The following EHBP1 variants were observed in gnomAD, a reference collection of about 807,000 sequenced individuals.
EHBP1 encodes EH domain binding protein 1, also known as EH domain-binding protein 1.
Under a neutral mutation model 144.0 loss-of-function variants are expected in EHBP1, and 55 were observed. The ratio of observed to expected loss-of-function variants is 0.38; its 90% confidence interval spans 0.31 to 0.48. The LOEUF (loss-of-function observed/expected upper bound fraction) is 0.48, where lower values mean the gene tolerates loss of function less well. Among genes scored for constraint, EHBP1 ranks in the 20% least tolerant of loss-of-function variants. EHBP1 has a pLI of 0.98. For synonymous variants in EHBP1, 469 were observed against 472.7 expected, an observed-to-expected ratio of 0.99 and a Z score of 0.10; for missense variants, 1,200 against 1,364.2, an observed-to-expected ratio of 0.88 and a Z score of 1.90.
Position 62,996,685 on chromosome 2 carries a change from G to T in EHBP1, c.3022G>T (p.Ala1008Ser). Residue 1008 changes from alanine to serine, a missense_variant, in exon 19 of 23, where the codon GCA becomes TCA. By Grantham distance (99) the Ala-to-Ser change is moderately conservative. This residue lies in a region of EHBP1 where 149 missense variants were observed against 217.0 expected (regional missense o/e 0.69). Transcript: ENST00000431489. ...CAGTCAGTATGTAGTAGGAGAATTGGCAGCACTAGAGAATGAGCAAAAGCA... is the reference window on the plus strand; with the variant it reads ...CAGTCAGTATGTAGTAGGAGAATTGTCAGCACTAGAGAATGAGCAAAAGCA... The part of the protein sequence containing the change: ...DTSQYVVGEL[A>S]ALENEQKQID... 1 of 1,613,346 alleles carries T rather than the reference G, an allele frequency of 6.2e-7. No individual in the cohort carries two copies. Among genetic ancestry groups the T allele is most frequent in the Non-Finnish European group, 8.5e-7 (1 of 1,179,624 alleles).
chr2:62,781,225 T>A (rs1048320371), intron 5 of EHBP1, among the ~76,000 whole-genome samples: 1 of 152,166 alleles, frequency 6.6e-6, no homozygotes, highest in East Asian at 1.9e-4. Flanking sequence ...GGCTTTCTAT[T>A]GAAAGTGATA....
At chr2:62,720,838 A>C (rs2036156713) in intron 2 of EHBP1, among the ~76,000 whole-genome samples, 1 of 151,952 alleles carries the variant, frequency 6.6e-6, no homozygotes, top group Non-Finnish European at 1.5e-5. Context: ...TTTAAAAAAA[A>C]CTCCCTGCAT....
intron 19 of EHBP1, among the ~76,000 whole-genome samples, chr2:63,018,716 C>T (rs2060584054): frequency 6.6e-6 from 1 of 152,154 alleles, no homozygotes; most frequent in Non-Finnish European, 1.5e-5. Context: ...TTTTCCACTA[C>T]TAGAAATTTT....
At chr2:63,010,115 A>G (rs2060208302) in intron 19 of EHBP1, among the ~76,000 whole-genome samples, 1 of 151,436 alleles carries the variant, frequency 6.6e-6, no homozygotes, top group Non-Finnish European at 1.5e-5. Context: ...TTTGAATACA[A>G]ATTCCTAATA....
rs761996423 is a variant in EHBP1 at position 62,948,843 on chromosome 2, A to G, written c.1997A>G (p.Tyr666Cys). 6 of 1,614,126 alleles carry G rather than the reference A, an allele frequency of 3.7e-6. No individual in the cohort carries two copies. The highest frequency in any genetic ancestry group is 3.3e-5 in the South Asian group (3 of 91,082). The change falls in exon 13 of 23, where the codon TAT (tyrosine) becomes TGT (cysteine). Residue 666 changes from tyrosine to cysteine, a missense_variant. By Grantham distance (194) the Tyr-to-Cys change is radical. Around this residue, in one of 6 missense-constraint regions of EHBP1, gnomAD observed 543 missense variants for 513.1 expected, o/e 1.06. Coordinates refer to ENST00000431489, the MANE Select transcript of EHBP1 (RefSeq NM_001142616.3). Reference sequence around the variant, plus strand: ...GAGACTTTAGAATTGAGTGACTTATATGTTAGTGATAAGAAGAAGGATATG... The same window carrying G: ...GAGACTTTAGAATTGAGTGACTTATGTGTTAGTGATAAGAAGAAGGATATG... Reference protein sequence around the residue: ...KAETLELSDLYVSDKKKDMSP... With the variant: ...KAETLELSDLCVSDKKKDMSP...
chr2:62,816,436 A>G (rs1254022062), intron 5 of EHBP1, among the ~76,000 whole-genome samples: 3 of 152,218 alleles, frequency 2.0e-5, no homozygotes, highest in Non-Finnish European at 2.9e-5. Context: ...ACCCACATAA[A>G]CAGAAGCTCT....
At chr2:62,994,937 C>A (rs2059570438) in intron 18 of EHBP1, among the ~76,000 whole-genome samples, 1 of 152,086 alleles carries the variant, frequency 6.6e-6, no homozygotes, top group African/African-American at 2.4e-5. Context: ...TATGAAATTT[C>A]TTTCTATTTT....
chr2:63,041,660 T>G (rs1054382218), intron 21 of EHBP1, among the ~76,000 whole-genome samples: 1 of 152,194 alleles, frequency 6.6e-6, no homozygotes, highest in East Asian at 1.9e-4. Flanking sequence ...ACAGCCACAG[T>G]CTTCCATAGA....
chr2:62,942,825 C>A lies in EHBP1; in HGVS notation c.1293C>A (p.Thr431=), dbSNP rs747084852. ...VTKNYRGVKI[T]NFTTSWRNGL... ...AGAACTACCGAGGAGTAAAAATCAC[C>A]AATTTTACTACATCGTGGAGAAATG... Residue 431 remains threonine, a synonymous_variant, in exon 11 of 23, where the codon ACC becomes ACA. Transcript: ENST00000431489. 6.2e-7 allele frequency: 1 copy of A among 1,613,226 alleles called. No individual in the cohort carries two copies. Among genetic ancestry groups the A allele is most frequent in the Non-Finnish European group, 8.5e-7 (1 of 1,179,320 alleles).
intron 7 of EHBP1, among the ~76,000 whole-genome samples, chr2:62,838,380 A>G (rs1341491758): frequency 6.6e-6 from 1 of 151,070 alleles, no homozygotes; most frequent in Non-Finnish European, 1.5e-5. Flanking sequence ...TGCCCACAAG[A>G]GAAAGCAGGA....
chr2:62,776,618 A>T (rs542157248), intron 5 of EHBP1, among the ~76,000 whole-genome samples: 4 of 152,324 alleles, frequency 2.6e-5, no homozygotes, highest in African/African-American at 9.6e-5. Flanking sequence ...GCAACTTGTA[A>T]CATCTCACTT....
chr2:63,014,571 G>A lies in EHBP1; in HGVS notation c.3103+17805G>A, dbSNP rs571508570. On this transcript the variant is annotated intron_variant, in intron 19 of 22. Coordinates refer to ENST00000431489, the MANE Select transcript of EHBP1 (RefSeq NM_001142616.3). ...TTTTTCACAATCTCTCTTTTCTTTA[G>A]CAATCACTGTACACTTACCAGGAGA... Among the ~76,000 whole-genome samples, 4 of 152,100 alleles carry A rather than the reference G, an allele frequency of 2.6e-5. No individual in the cohort carries two copies. The South Asian group carries it at 8.3e-4, about 32-fold the overall frequency.
chr2:62,846,059 G>A (rs11682530), intron 7 of EHBP1, among the ~76,000 whole-genome samples: 52,891 of 152,022 alleles, frequency 0.35, 9,289 homozygotes, highest in Middle Eastern at 0.51. Flanking sequence ...ACTCAAATAT[G>A]TCAACTCAGA....
At chr2:62,896,639 T>C (rs1208811945) in intron 10 of EHBP1, among the ~76,000 whole-genome samples, 1 of 151,608 alleles carries the variant, frequency 6.6e-6, no homozygotes, top group Non-Finnish European at 1.5e-5. Flanking sequence ...ATTCTGTACC[T>C]GACCACTTCA....
intron 1 of EHBP1, among the ~76,000 whole-genome samples, chr2:62,690,082 A>C (rs574899829): frequency 2.0e-5 from 3 of 152,308 alleles, no homozygotes; most frequent in African/African-American, 7.2e-5. Flanking sequence ...GACCTGCTGA[A>C]GAGTAGAAGG....
At chr2:62,906,458 C>T (rs537463941) in intron 10 of EHBP1, among the ~76,000 whole-genome samples, 1 of 152,168 alleles carries the variant, frequency 6.6e-6, no homozygotes, top group Non-Finnish European at 1.5e-5. Context: ...TGAACTTTAG[C>T]ATCAGCTTCT....
At chr2:62,907,167 G>T (rs2053870719) in intron 10 of EHBP1, among the ~76,000 whole-genome samples, 1 of 152,124 alleles carries the variant, frequency 6.6e-6, no homozygotes, top group South Asian at 2.1e-4. Context: ...GGAAGCATGG[G>T]GTTGTATAGT....
At chr2:62,992,747 G>A (rs921920253) in intron 16 of EHBP1, among the ~76,000 whole-genome samples, 2 of 152,160 alleles carry the variant, frequency 1.3e-5, no homozygotes, top group African/African-American at 4.8e-5. Context: ...CCTCATTACT[G>A]ATTGTCTCAA....
chr2:62,995,102 G>T (rs1322010789), intron 18 of EHBP1, among the ~76,000 whole-genome samples: 1 of 152,084 alleles, frequency 6.6e-6, no homozygotes, highest in African/African-American at 2.4e-5. Context: ...TTTTGAAAAT[G>T]ATCTGCTATC....
Sources: gnomAD v4.1 joint callset for allele counts (sites outside exome capture counted in the v4.1 genomes callset) on GRCh38, gnomAD v4.1.1 for gene constraint, gnomAD v4.1.1 regional missense constraint, MANE v1.5 for transcripts, NCBI Gene and HGNC (gene_info 2026-07-23, HGNC 2026-07-21) for gene names.